The following GTF2IRD1 variants were observed in gnomAD, a reference collection of about 807,000 sequenced individuals.
The protein encoded by GTF2IRD1 is GTF2I repeat domain containing 1.
Under a neutral mutation model 113.2 loss-of-function variants are expected in GTF2IRD1, and 26 were observed. That is an observed-to-expected ratio of 0.23 (90% CI 0.17 to 0.32). The LOEUF (loss-of-function observed/expected upper bound fraction) is 0.32, where lower values mean the gene tolerates loss of function less well. GTF2IRD1 is among the 10% of genes least tolerant of loss of function. The pLI, the probability that GTF2IRD1 is intolerant of heterozygous loss-of-function variation, is 1.00. For synonymous variants in GTF2IRD1, 484 were observed against 529.1 expected, an observed-to-expected ratio of 0.91 and a Z score of 1.17; for missense variants, 864 against 1,280.8, an observed-to-expected ratio of 0.67 and a Z score of 4.97.
intron 14 of GTF2IRD1, among the ~76,000 whole-genome samples, chr7:74,543,537 G>A (rs1179879735): frequency 6.6e-6 from 1 of 152,116 alleles, no homozygotes. Context: ...ATGGATTAGA[G>A]GATTTTGCAT....
intron 22 of GTF2IRD1, among the ~76,000 whole-genome samples, chr7:74,573,663 A>C (rs927016311): frequency 1.3e-5 from 2 of 152,186 alleles, no homozygotes; most frequent in African/African-American, 4.8e-5. Flanking sequence ...GAAGTAGAGC[A>C]GGGGCAGGGT....
At chr7:74,479,409 G>A (rs1794611731) in intron 1 of GTF2IRD1, among the ~76,000 whole-genome samples, 3 of 151,710 alleles carry the variant, frequency 2.0e-5, no homozygotes, top group Admixed American at 2.0e-4. Flanking sequence ...CACGTGGGCG[G>A]CCCAGGCTGG....
intron 25 of GTF2IRD1, among the ~76,000 whole-genome samples, chr7:74,600,137 T>C (rs899080224): frequency 1.6e-4 from 24 of 152,046 alleles, no homozygotes; most frequent in African/African-American, 5.6e-4. Flanking sequence ...GCGATTAATA[T>C]TGTTGCCATG....
chr7:74,585,144 G>T (rs1345754965), intron 22 of GTF2IRD1, among the ~76,000 whole-genome samples: 2 of 124,128 alleles, frequency 1.6e-5, no homozygotes, highest in Admixed American at 2.0e-4. Flanking sequence ...ACGGAGTCTT[G>T]CTCTGTCGCC....
rs62475381 is a variant in GTF2IRD1 at position 74,546,460 on chromosome 7, G to A, written c.1733-643G>A. ...TGGTCTTGAACTCCTGACCTTAAGCGATCTACCCACCTTGGCCTCCCAAAG... is the reference window on the plus strand; with the variant it reads ...TGGTCTTGAACTCCTGACCTTAAGCAATCTACCCACCTTGGCCTCCCAAAG... On this transcript the variant is annotated intron_variant, in intron 16 of 26. Coordinates refer to ENST00000424337, the MANE Select transcript of GTF2IRD1 (RefSeq NM_005685.4). Among the ~76,000 whole-genome samples, 1,436 of 152,104 alleles carry A rather than the reference G, an allele frequency of 9.4e-3. 11 individuals are homozygous for A. Among genetic ancestry groups the A allele is most frequent in the Non-Finnish European group, 0.013 (909 of 67,990 alleles).
At chr7:74,468,520 G>A (rs1008523316) in intron 1 of GTF2IRD1, among the ~76,000 whole-genome samples, 21 of 151,822 alleles carry the variant, frequency 1.4e-4, no homozygotes, top group Non-Finnish European at 3.1e-4. Context: ...TTAGCCGGGC[G>A]TGGTGGCACG....
chr7:74,509,143 G>A (rs140738923), intron 2 of GTF2IRD1, among the ~76,000 whole-genome samples: 211 of 152,072 alleles, frequency 1.4e-3, no homozygotes, highest in African/African-American at 4.3e-3. Flanking sequence ...GATCATTTGG[G>A]GTCAGGAGTT....
intron 1 of GTF2IRD1, among the ~76,000 whole-genome samples, chr7:74,482,606 C>A (rs1794806423): frequency 6.6e-6 from 1 of 152,032 alleles, no homozygotes; most frequent in Non-Finnish European, 1.5e-5. Context: ...ACTAAACTAC[C>A]CAGGTAACCA....
intron 22 of GTF2IRD1, among the ~76,000 whole-genome samples, chr7:74,562,532 G>A (rs1433373324): frequency 1.4e-5 from 2 of 144,674 alleles, no homozygotes; most frequent in Non-Finnish European, 3.0e-5. Context: ...TAGCTGGGAG[G>A]ACTATTTTCC....
At chr7:74,507,794 T>C (rs1229129658) in intron 1 of GTF2IRD1, 2 of 356,676 alleles carry the variant, frequency 5.6e-6, no homozygotes, top group Non-Finnish European at 1.0e-5. Context: ...GAGGTGGCAG[T>C]TGGGGCCTGT....
chr7:74,527,984 G>A (rs1391684606), intron 8 of GTF2IRD1, among the ~76,000 whole-genome samples: 2 of 152,220 alleles, frequency 1.3e-5, no homozygotes, highest in African/African-American at 4.8e-5. Flanking sequence ...GCTGTTGGCA[G>A]AGCCGTCAGC....
intron 15 of GTF2IRD1, 21 bp downstream of exon 15, chr7:74,544,823 G>A (rs1443899117): frequency 1.9e-6 from 3 of 1,602,826 alleles, no homozygotes; most frequent in Non-Finnish European, 2.6e-6. Flanking sequence ...GTCTACCCCT[G>A]ACATTTTACA....
intron 1 of GTF2IRD1, among the ~76,000 whole-genome samples, chr7:74,454,413 A>ATT (rs879969836): frequency 2.7e-4 from 40 of 150,582 alleles, no homozygotes; most frequent in Non-Finnish European, 4.7e-4. Flanking sequence ...AGGGGCCGGG[A>ATT]GCTGGGAGCT....
In GTF2IRD1 at chr7:74,538,754, GT is replaced by G; in HGVS notation, c.1523del (p.Val508AlafsTer11). On this transcript the variant is annotated frameshift_variant, in exon 13 of 27. Coordinates refer to ENST00000424337, the MANE Select transcript of GTF2IRD1 (RefSeq NM_005685.4). LOFTEE classifies it high-confidence loss of function. ...PEDLDIIQVT[V>X]PDPSPTSEEM... ...GGATCTGGACATCATTCAGGTCACC[GT>G]CCCAGGTAAGGGACGGGCATCTGAC... 6.4e-7 allele frequency: 1 copy of G among 1,569,050 alleles called. No homozygotes were observed. Among genetic ancestry groups the G allele is most frequent in the Non-Finnish European group, 8.8e-7 (1 of 1,139,060 alleles).
chr7:74,479,025 CG>C (rs1794586126), intron 1 of GTF2IRD1, among the ~76,000 whole-genome samples: 1 of 152,080 alleles, frequency 6.6e-6, no homozygotes. Flanking sequence ...TGGGACCCCC[CG>C]TCGCCAGCTC....
At chr7:74,570,321 C>T (rs1554362225) in intron 22 of GTF2IRD1, among the ~76,000 whole-genome samples, 1 of 151,544 alleles carries the variant, frequency 6.6e-6, no homozygotes, top group Non-Finnish European at 1.5e-5. Flanking sequence ...TGAGATCACA[C>T]CACTGCACTC....
intron 6 of GTF2IRD1, 78 bp downstream of exon 6, chr7:74,519,797 G>A (rs910012055): frequency 3.8e-6 from 4 of 1,050,484 alleles, no homozygotes; most frequent in Non-Finnish European, 4.2e-6. Flanking sequence ...TCCCAGGGCA[G>A]GTCAGGATGC....
chr7:74,531,737 G>C (rs587766515), intron 9 of GTF2IRD1, among the ~76,000 whole-genome samples: 2 of 152,028 alleles, frequency 1.3e-5, no homozygotes, highest in South Asian at 2.1e-4. Flanking sequence ...AAAAAAAAGT[G>C]GGGGGAGCCA....
intron 1 of GTF2IRD1, among the ~76,000 whole-genome samples, chr7:74,492,435 G>A (rs1197535205): frequency 1.3e-5 from 2 of 152,064 alleles, no homozygotes; most frequent in African/African-American, 2.4e-5. Context: ...CTCCAAAAGT[G>A]CTGGGATTAC....
Sources: allele counts gnomAD v4.1 joint callset (sites outside exome capture counted in the v4.1 genomes callset), GRCh38; gene constraint gnomAD v4.1.1; transcripts MANE v1.5; gene names NCBI Gene and HGNC (gene_info 2026-07-23, HGNC 2026-07-21).